ELP1: variants seen among roughly 807,000 people sequenced by gnomAD.
ELP1 encodes the protein elongator complex protein 1.
ELP1 carries 131 observed loss-of-function variants against 183.2 expected under a neutral mutation model. The ratio of observed to expected loss-of-function variants is 0.72; its 90% CI spans 0.62 to 0.83. ELP1 has a LOEUF of 0.83. Ranked by LOEUF, ELP1 falls within the 40% of genes least tolerant of loss-of-function variation. ELP1 has a pLI of 0.00. For missense variants in ELP1, 1,550 were observed against 1,594.9 expected (o/e 0.97, Z 0.48); for synonymous variants, 555 against 569.0 (o/e 0.98, Z 0.35).
intron 14 of ELP1, among the ~76,000 whole-genome samples, chr9:108,904,544 A>G (rs1028283416): frequency 6.6e-6 from 1 of 152,248 alleles, no homozygotes; most frequent in African/African-American, 2.4e-5. Context: ...TTATAACAAT[A>G]GGGAATTCCT....
In ELP1 at chr9:108,897,251, G is replaced by C; in HGVS notation, c.2398C>G (p.Pro800Ala). ...EDVTKTMYPAPVTSSVYLSRD... is the reference protein window; with the variant it reads ...EDVTKTMYPAAVTSSVYLSRD... Reference sequence around the variant, plus strand: ...GACAGGTAGACACTGCTGGTAACTGGTGCAGGGTACATGGTCTTCGTGACA... The same window carrying C: ...GACAGGTAGACACTGCTGGTAACTGCTGCAGGGTACATGGTCTTCGTGACA... Residue 800 changes from proline (P) to alanine (A), a missense_variant, in exon 23 of 37, where the codon CCA becomes GCA. Pro to Ala is a conservative substitution (Grantham distance 27). Transcript: ENST00000374647. 1 of 1,614,118 alleles carries C rather than the reference G, an allele frequency of 6.2e-7. No individual in the cohort carries two copies.
intron 34 of ELP1, 68 bp downstream of exon 34, chr9:108,878,555 C>G (rs1827786853): frequency 6.2e-7 from 1 of 1,602,706 alleles, no homozygotes; most frequent in Non-Finnish European, 8.5e-7. Flanking sequence ...CTACTGAACT[C>G]TGCCTGTCTG....
Position 108,879,441 on chromosome 9 carries a change from C to T in ELP1, c.3572+5G>A, listed in dbSNP as rs773132143. The T allele has an allele frequency of 7.7e-5, 122 of 1,590,412 alleles. No homozygotes were observed. The highest frequency in any genetic ancestry group is 8.3e-5 in the Non-Finnish European group (96 of 1,158,496). On this transcript the variant is annotated splice_donor_5th_base_variant and intron_variant, in intron 33 of 36. Coordinates refer to ENST00000374647, the MANE Select transcript of ELP1 (RefSeq NM_003640.5). Reference sequence around the variant, plus strand: ...GTCAATGTGCTGAATCAATGTGATACGTACGCTGATATCCTGGAGTTACTA... The same window carrying T: ...GTCAATGTGCTGAATCAATGTGATATGTACGCTGATATCCTGGAGTTACTA...
At chr9:108,869,252 T>A in intron 36 of ELP1, 70 bp from the exon 37 acceptor site, 2 of 1,296,168 alleles carry the variant, frequency 1.5e-6, no homozygotes, top group African/African-American at 1.5e-5. Flanking sequence ...GCAGTAACTC[T>A]AAACTAAACA....
At chr9:108,912,519 C>G (rs1482781312) in intron 10 of ELP1, 25 bp from the exon 11 acceptor site, 1 of 1,552,202 alleles carries the variant, frequency 6.4e-7, no homozygotes, top group Non-Finnish European at 8.9e-7. Flanking sequence ...GAAAAGAAGG[C>G]CGTTAGAGGC....
At chr9:108,874,094 T>C (rs1166968818) in intron 36 of ELP1, among the ~76,000 whole-genome samples, 1 of 152,186 alleles carries the variant, frequency 6.6e-6, no homozygotes, top group African/African-American at 2.4e-5. Flanking sequence ...GTCATCAAAA[T>C]GCTATTACAG....
chr9:108,876,201 G>A (rs992963474), intron 35 of ELP1, among the ~76,000 whole-genome samples: 6 of 152,214 alleles, frequency 3.9e-5, no homozygotes, highest in South Asian at 2.1e-4. Flanking sequence ...ACCTGAGCCC[G>A]GGGCGGTGGA....
chr9:108,890,166 C>G (rs1264908823), intron 28 of ELP1, among the ~76,000 whole-genome samples: 1 of 152,112 alleles, frequency 6.6e-6, no homozygotes, highest in Non-Finnish European at 1.5e-5. Context: ...TCATAAATTT[C>G]TAAAGCAGAA....
At chr9:108,875,246 T>C (rs142014119) in intron 35 of ELP1, among the ~76,000 whole-genome samples, 172 of 152,324 alleles carry the variant, frequency 1.1e-3, no homozygotes, top group African/African-American at 4.0e-3. Context: ...CTTGGCCTTT[T>C]CTAAATGAGC....
In ELP1 at chr9:108,868,346, A is replaced by T. The variant is rs1827312944; in HGVS notation, c.*769T>A. The stretch of plus-strand genomic sequence containing the variant: ...AAATAAATGAAGTGGCCTAGACACT[A>T]ACAAAAATATCTGAGTTAAAGAAAC... On this transcript the variant is annotated 3_prime_UTR_variant, in exon 37 of 37. Coordinates refer to ENST00000374647, the MANE Select transcript of ELP1 (RefSeq NM_003640.5). 5.7e-6 allele frequency: 1 copy of T among 175,336 alleles called. No homozygotes were observed. The highest frequency in any genetic ancestry group is 1.2e-5 in the Non-Finnish European group (1 of 83,882). The allele number at this position is 175,336 out of a possible 1,614,324, so 10.9% of individuals were successfully genotyped here.
chr9:108,881,750 T>A lies in ELP1; in HGVS notation c.3301A>T (p.Arg1101Ter). 6.4e-7 allele frequency: 1 copy of A among 1,571,788 alleles called. No individual in the cohort carries two copies. Among genetic ancestry groups the A allele is most frequent in the Non-Finnish European group, 8.8e-7 (1 of 1,141,830 alleles). ...EALRLVYKYN[R>*]LDIIETNVKP... ...ACGTTGGTTTCTATAATATCCAGTC[T>A]GTTATATTTGTATACCTAGAAGGAA... The change falls in exon 31 of 37, where the codon AGA becomes TGA. Residue 1101 changes from arginine to a stop codon, truncating the protein, a stop_gained. Transcript: ENST00000374647. LOFTEE classifies it high-confidence loss of function.
intron 9 of ELP1, among the ~76,000 whole-genome samples, chr9:108,916,759 C>A (rs543590189): frequency 3.3e-5 from 5 of 152,096 alleles, no homozygotes; most frequent in African/African-American, 1.2e-4. Flanking sequence ...AGTTGCGGAC[C>A]GATGAAAATA....
At chr9:108,909,383 G>T (rs1829129573) in intron 12 of ELP1, among the ~76,000 whole-genome samples, 1 of 152,066 alleles carries the variant, frequency 6.6e-6, no homozygotes, top group Admixed American at 6.6e-5. Context: ...AAGCAATGAG[G>T]GGGAAAAAGG....
In ELP1 at chr9:108,896,549, G is replaced by C; in HGVS notation, c.2683C>G (p.Leu895Val). ...VDVNELYDHS[L>V]GTYDFDLVLM... Reference sequence around the variant, plus strand: ...ACCAAATCAAAGTCATAGGTGCCAAGAGAATGATCATATAATTCATTAACA... The same window carrying C: ...ACCAAATCAAAGTCATAGGTGCCAACAGAATGATCATATAATTCATTAACA... The change falls in exon 25 of 37, where the codon CTT (leucine) becomes GTT (valine). Residue 895 changes from leucine (L) to valine (V), a missense_variant. Coordinates refer to ENST00000374647, the MANE Select transcript of ELP1 (RefSeq NM_003640.5). 12 of 1,614,090 alleles carry C rather than the reference G, an allele frequency of 7.4e-6. No homozygotes were observed. The highest frequency in any genetic ancestry group is 9.3e-6 in the Non-Finnish European group (11 of 1,179,946).
intron 25 of ELP1, among the ~76,000 whole-genome samples, chr9:108,895,835 T>A (rs929436402): frequency 6.6e-6 from 1 of 152,228 alleles, no homozygotes; most frequent in Non-Finnish European, 1.5e-5. Flanking sequence ...CTGTGCTCCA[T>A]GTGCCCACCC....
intron 3 of ELP1, 128 bp from the exon 4 acceptor site, chr9:108,927,581 A>G: frequency 1.3e-6 from 1 of 753,802 alleles, no homozygotes; most frequent in Non-Finnish European, 2.4e-6. Flanking sequence ...AGATATCTGC[A>G]CTCTCATGTT....
At chr9:108,903,488 G>C in intron 15 of ELP1, 75 bp downstream of exon 15, 1 of 1,021,952 alleles carries the variant, frequency 9.8e-7, no homozygotes, top group Non-Finnish European at 1.5e-6. Flanking sequence ...GAACTGACAA[G>C]ATACAAGTAC....
chr9:108,873,914 C>T (rs1587866611), intron 36 of ELP1, among the ~76,000 whole-genome samples: 1 of 147,558 alleles, frequency 6.8e-6, no homozygotes, highest in East Asian at 2.1e-4. Flanking sequence ...TATGTCGAAA[C>T]TGATACCAAA....
chr9:108,881,487 G>A (rs1428420190), intron 31 of ELP1, among the ~76,000 whole-genome samples: 2 of 152,074 alleles, frequency 1.3e-5, no homozygotes, highest in African/African-American at 2.4e-5. Context: ...AATCATATTT[G>A]ATCACAGGTT....
Sources: gnomAD v4.1 joint callset for allele counts (sites outside exome capture counted in the v4.1 genomes callset) on GRCh38, gnomAD v4.1.1 for gene constraint, MANE v1.5 for transcripts, NCBI Gene and HGNC (gene_info 2026-07-23, HGNC 2026-07-21) for gene names.